DIAPH3: variants seen among roughly 807,000 people sequenced by gnomAD.
DIAPH3 encodes the protein diaphanous related formin 3, also known as protein diaphanous homolog 3.
DIAPH3 carries 117 observed loss-of-function variants against 144.3 expected under a neutral mutation model. The ratio of observed to expected loss-of-function variants is 0.81; its 90% CI spans 0.70 to 0.95. The LOEUF (loss-of-function observed/expected upper bound fraction) is 0.95. Among genes scored for constraint, DIAPH3 ranks in the 40% least tolerant of loss-of-function variants. The pLI is 0.00. For missense variants in DIAPH3, 1,421 were observed against 1,412.7 expected (o/e 1.01, Z -0.09); for synonymous variants, 519 against 488.9 (o/e 1.06, Z -0.81).
At chr13:59,777,069 T>C (rs2038458495) in intron 25 of DIAPH3, among the ~76,000 whole-genome samples, 1 of 152,212 alleles carries the variant, frequency 6.6e-6, no homozygotes, top group Non-Finnish European at 1.5e-5. Context: ...CCCTCAGATC[T>C]TGGTTTCTAC....
intron 2 of DIAPH3, among the ~76,000 whole-genome samples, chr13:60,127,766 CT>C (rs1336052423): frequency 2.0e-5 from 3 of 152,056 alleles, no homozygotes; most frequent in African/African-American, 7.2e-5. Context: ...CAGAGGGAAC[CT>C]TTTGGGGTGA....
chr13:59,724,023 A>G (rs900327086), intron 27 of DIAPH3, among the ~76,000 whole-genome samples: 1 of 151,874 alleles, frequency 6.6e-6, no homozygotes, highest in Admixed American at 6.6e-5. Context: ...TTTTTGTGAT[A>G]AAGGGATAGT....
chr13:59,961,527 G>T (rs577255027), intron 17 of DIAPH3, among the ~76,000 whole-genome samples: 1 of 152,190 alleles, frequency 6.6e-6, no homozygotes, highest in Non-Finnish European at 1.5e-5. Flanking sequence ...AAAATGGCAA[G>T]TTTTTAAAGC....
chr13:59,898,037 G>C (rs2046219676), intron 20 of DIAPH3, among the ~76,000 whole-genome samples: 1 of 147,544 alleles, frequency 6.8e-6, no homozygotes, highest in Non-Finnish European at 1.5e-5. Context: ...GGGAGGCTGA[G>C]GCAGGAGAAT....
chr13:60,094,330 C>T (rs1274004295), intron 3 of DIAPH3, among the ~76,000 whole-genome samples: 3 of 152,116 alleles, frequency 2.0e-5, no homozygotes, highest in East Asian at 1.9e-4. Flanking sequence ...CACCTAAAAT[C>T]GAACATTTCT....
intron 4 of DIAPH3, among the ~76,000 whole-genome samples, chr13:60,074,713 T>C (rs1485665500): frequency 6.6e-6 from 1 of 152,168 alleles, no homozygotes; most frequent in Non-Finnish European, 1.5e-5. Context: ...CACCCACTCA[T>C]TCACAGTATA....
chr13:59,750,094 CA>C (rs149084371), intron 27 of DIAPH3, among the ~76,000 whole-genome samples: 3,439 of 152,000 alleles, frequency 0.023, 92 homozygotes, highest in East Asian at 0.12. Context: ...TCTCTCAATA[CA>C]AAAAAACATA....
chr13:60,082,426 A>G (rs2057591769), intron 4 of DIAPH3, among the ~76,000 whole-genome samples: 1 of 151,826 alleles, frequency 6.6e-6, no homozygotes, highest in African/African-American at 2.4e-5. Context: ...AAAGAAAAAG[A>G]GCATACTGCA....
intron 24 of DIAPH3, among the ~76,000 whole-genome samples, chr13:59,825,735 G>C (rs946950959): frequency 6.6e-6 from 1 of 152,230 alleles, no homozygotes; most frequent in South Asian, 2.1e-4. Context: ...ATTCTAACTG[G>C]TGTGAGATGG....
rs560311786 is a variant in DIAPH3, at chr13:60,008,726, A to G, written c.909-77T>C. The stretch of plus-strand genomic sequence containing the variant: ...TAATACAATTGCTTTATCCTACTAA[A>G]GAAGTCAATACCCTAAGCAGCCAAT... On this transcript the variant is annotated intron_variant, in intron 8 of 27. Coordinates refer to ENST00000400324, the MANE Select transcript of DIAPH3 (RefSeq NM_001042517.2). 1.0e-5 allele frequency: 9 copies of G among 904,218 alleles called. No individual in the cohort carries two copies. The African/African-American group carries it at 1.3e-4, about 13-fold the overall frequency. The allele number at this position is 904,218 out of a possible 1,614,324, so 56.0% of individuals were successfully genotyped here. A position where few individuals can be genotyped will look rare whatever the true frequency, so the allele number is the denominator to read the frequency against.
At chr13:59,939,744 T>C (rs1017210490) in intron 17 of DIAPH3, among the ~76,000 whole-genome samples, 6 of 152,156 alleles carry the variant, frequency 3.9e-5, no homozygotes, top group African/African-American at 1.4e-4. Context: ...TCCCTGTATA[T>C]ACATATTGAC....
intron 27 of DIAPH3, among the ~76,000 whole-genome samples, chr13:59,672,005 G>C (rs982197437): frequency 1.3e-5 from 2 of 152,132 alleles, no homozygotes; most frequent in African/African-American, 4.8e-5. Flanking sequence ...ACTGTTTCTT[G>C]AGAAACACAA....
chr13:60,044,500 T>A (rs2055921425), intron 4 of DIAPH3: 1 of 152,150 alleles, frequency 6.6e-6, no homozygotes, highest in South Asian at 2.1e-4. Flanking sequence ...GTCACTGATA[T>A]CATTCAAAGA....
intron 17 of DIAPH3, among the ~76,000 whole-genome samples, chr13:59,935,803 A>G (rs1156882557): frequency 6.6e-6 from 1 of 152,202 alleles, no homozygotes; most frequent in Non-Finnish European, 1.5e-5. Context: ...TATGACTGCC[A>G]TAACTAATCA....
chr13:59,735,883 A>C (rs1725417849), intron 27 of DIAPH3, among the ~76,000 whole-genome samples: 1 of 152,110 alleles, frequency 6.6e-6, no homozygotes, highest in South Asian at 2.1e-4. Flanking sequence ...AGATTATTTC[A>C]TCACTCAGGC....
chr13:60,010,249 T>C (rs2140945921), intron 8 of DIAPH3, among the ~76,000 whole-genome samples: 1 of 152,286 alleles, frequency 6.6e-6, no homozygotes, highest in East Asian at 1.9e-4. Flanking sequence ...AGCCTCCATT[T>C]AGAATTTTTT....
chr13:60,161,819 G>A (rs1287738847), intron 1 of DIAPH3, among the ~76,000 whole-genome samples: 2 of 151,980 alleles, frequency 1.3e-5, no homozygotes, highest in Admixed American at 1.3e-4. Flanking sequence ...AGAATGCCCA[G>A]ACAGATTTGA....
At chr13:59,923,310 A>T (rs187383393) in intron 18 of DIAPH3, among the ~76,000 whole-genome samples, 1 of 152,182 alleles carries the variant, frequency 6.6e-6, no homozygotes, top group Admixed American at 6.6e-5. Context: ...AAATAAAATC[A>T]TCTCTTTTAG....
chr13:59,890,178 C>T (rs890673898), intron 20 of DIAPH3, among the ~76,000 whole-genome samples: 3 of 152,086 alleles, frequency 2.0e-5, no homozygotes, highest in South Asian at 2.1e-4. Context: ...GAGATACCCA[C>T]GTGGACTACT....
Sources: allele counts gnomAD v4.1 joint callset (sites outside exome capture counted in the v4.1 genomes callset), GRCh38; gene constraint gnomAD v4.1.1; transcripts MANE v1.5; gene names NCBI Gene and HGNC (gene_info 2026-07-23, HGNC 2026-07-21).